The following NARF variants were observed in gnomAD, a reference collection of about 807,000 sequenced individuals.
NARF encodes the protein iron-only hydrogenase-like protein 2.
In NARF, 41 loss-of-function variants were observed where a neutral mutation model predicts 48.0. That is an observed-to-expected ratio of 0.85 (90% confidence interval 0.66 to 1.11). NARF has a LOEUF of 1.11. NARF is among the 50% of genes least tolerant of loss of function. The pLI, the probability that NARF is intolerant of heterozygous loss-of-function variation, is 0.00. For missense variants in NARF, 613 were observed against 590.2 expected, an observed-to-expected ratio of 1.04 and a Z score of -0.40; for synonymous variants, 215 against 225.5, an observed-to-expected ratio of 0.95 and a Z score of 0.42.
In NARF at chr17:82,488,362, G is replaced by A; in HGVS notation, c.*205G>A. The A allele has an allele frequency of 1.4e-6, 1 of 720,782 alleles. No individual in the cohort carries two copies. Among genetic ancestry groups the A allele is most frequent in the South Asian group, 2.6e-5 (1 of 38,572 alleles). The allele number at this position is 720,782 out of a possible 1,614,324, so 44.6% of individuals were successfully genotyped here. A position where few individuals can be genotyped will look rare whatever the true frequency, so the allele number is the denominator to read the frequency against. ...GGTGCTATCTTCATAATAGGTGTGG[G>A]ATTGGAACTTTTTTTTTCTTTTTTT... On this transcript the variant is annotated 3_prime_UTR_variant, in exon 11 of 11. Coordinates refer to ENST00000309794, the MANE Select transcript of NARF (RefSeq NM_012336.4).
At position 82,468,777 on chromosome 17, in the gene NARF, C is replaced by G. The variant is rs533647811; in HGVS notation, c.266C>G (p.Ser89Ter). ...VLNLNKKCDT[S>*]KHKVLVVSVC... ...TTCTCCTTCTAGAAATGTGATACCT[C>G]AAAGCACAAAGTGCTGGTAGTGTCT... The change falls in exon 4 of 11, where the codon TCA becomes TGA. Residue 89 changes from serine (S) to a stop codon, truncating the protein, a stop_gained. Coordinates refer to ENST00000309794, the MANE Select transcript of NARF (RefSeq NM_012336.4). LOFTEE classifies it high-confidence loss of function. 4 of 1,613,800 alleles carry G rather than the reference C, an allele frequency of 2.5e-6. No individual in the cohort carries two copies. Among genetic ancestry groups the G allele is most frequent in the Non-Finnish European group, 3.4e-6 (4 of 1,179,924 alleles).
At chr17:82,475,825 GC>G (rs1169981581) in intron 5 of NARF, among the ~76,000 whole-genome samples, 2 of 152,156 alleles carry the variant, frequency 1.3e-5, no homozygotes, top group African/African-American at 2.4e-5. Context: ...ATTCACATCA[GC>G]AGAGTTAGTT....
rs960512201 is a variant in NARF at position 82,459,188 on chromosome 17, C to T, written c.27+358C>T. 12 of 1,065,652 alleles carry T rather than the reference C, an allele frequency of 1.1e-5. No individual in the cohort carries two copies. The African/African-American group carries it at 1.2e-4, about 10-fold the overall frequency. The allele number at this position is 1,065,652 out of a possible 1,614,324, so 66.0% of individuals were successfully genotyped here. A position where few individuals can be genotyped will look rare whatever the true frequency, so the allele number is the denominator to read the frequency against. On this transcript the variant is annotated intron_variant, in intron 1 of 10. Coordinates refer to ENST00000309794, the MANE Select transcript of NARF (RefSeq NM_012336.4). ...GAGAGGGTTTTAGGCGTTTTCGAAC[C>T]TGCCCCTCTGAGGGTCACCGAGCAG...
intron 2 of NARF, chr17:82,460,915 A>ATTTTTTTTTTTTTTTTTTTTTTTTTT (rs137987200): frequency 6.7e-6 from 1 of 149,628 alleles, no homozygotes; most frequent in African/African-American, 2.5e-5. Flanking sequence ...TCTTCTTTTA[A>ATTTTTTTTTTTTTTTTTTTTTTTTTT]TTTTTTTTTT....
Position 82,481,396 on chromosome 17 carries a change from C to T in NARF, c.769+185C>T, listed in dbSNP as rs923144988. Among the ~76,000 whole-genome samples, 4 of 152,070 alleles carry T rather than the reference C, an allele frequency of 2.6e-5. No homozygotes were observed. The East Asian group carries it at 5.8e-4, about 22-fold the overall frequency. On this transcript the variant is annotated intron_variant, in intron 7 of 10. Transcript: ENST00000309794. The stretch of plus-strand genomic sequence containing the variant: ...TGCAGGTGAAGAGAAGGGTCATGTT[C>T]GATCTAGCCTCCTGTCTCCTCTGTG...
At chr17:82,472,395 G>A (rs1279292160) in intron 4 of NARF, among the ~76,000 whole-genome samples, 169 bp from the exon 5 acceptor site, 1 of 151,220 alleles carries the variant, frequency 6.6e-6, no homozygotes, top group Non-Finnish European at 1.5e-5. Flanking sequence ...GAGGTGGGAG[G>A]ATCACTTGAA....
chr17:82,470,028 T>G (rs931426141), intron 4 of NARF, among the ~76,000 whole-genome samples: 3 of 152,080 alleles, frequency 2.0e-5, no homozygotes, highest in Admixed American at 2.0e-4. Context: ...GGCCAGGAGC[T>G]CGAGACCAGC....
rs946553999 is a variant in NARF, at chr17:82,464,215, T to C, written c.109-72T>C. On this transcript the variant is annotated intron_variant, in intron 2 of 10. Coordinates refer to ENST00000309794, the MANE Select transcript of NARF (RefSeq NM_012336.4). ...GTTTACTGTGAATTCTGTATATGGGTGTTACCCTCTCTAAAGAAGCACATT... is the reference window on the plus strand; with the variant it reads ...GTTTACTGTGAATTCTGTATATGGGCGTTACCCTCTCTAAAGAAGCACATT... 2.6e-5 allele frequency: 41 copies of C among 1,548,240 alleles called. No homozygotes were observed. In the African/African-American group the frequency reaches 4.9e-4, roughly 19 times the overall value.
At chr17:82,463,207 G>A (rs2043478781) in intron 2 of NARF, 1 of 152,166 alleles carries the variant, frequency 6.6e-6, no homozygotes, top group Admixed American at 6.5e-5. Context: ...ACTACCTGAG[G>A]AGCTTCTGTA....
At chr17:82,473,443 C>T (rs1415471787) in intron 5 of NARF, among the ~76,000 whole-genome samples, 1 of 151,948 alleles carries the variant, frequency 6.6e-6, no homozygotes, top group East Asian at 1.9e-4. Context: ...CTCTGTCACC[C>T]AGACTGGAGT....
chr17:82,481,869 T>C (rs555611254), intron 7 of NARF: 2 of 350,728 alleles, frequency 5.7e-6, no homozygotes, highest in African/African-American at 4.5e-5. Flanking sequence ...GGTCTCCTAA[T>C]CACAAACCAA....
At chr17:82,479,147 G>A in intron 6 of NARF, 3 of 390,278 alleles carry the variant, frequency 7.7e-6, no homozygotes, top group Admixed American at 4.3e-5. Flanking sequence ...CTTTTCTGTG[G>A]CATCTGGTGG....
intron 1 of NARF, chr17:82,459,100 C>G (rs138623098): frequency 4.2e-6 from 5 of 1,188,014 alleles, no homozygotes; most frequent in Non-Finnish European, 4.2e-6. Flanking sequence ...GACCGAGCCT[C>G]TCGTGCCGCG....
chr17:82,478,339 G>T (rs909217894), intron 5 of NARF, among the ~76,000 whole-genome samples: 3 of 152,204 alleles, frequency 2.0e-5, no homozygotes, highest in Admixed American at 1.3e-4. Context: ...TTTAAAAAGC[G>T]TGCAGTTGTT....
At chr17:82,486,701 C>G (rs979361955) in intron 10 of NARF, among the ~76,000 whole-genome samples, 2 of 152,110 alleles carry the variant, frequency 1.3e-5, no homozygotes, top group Non-Finnish European at 2.9e-5. Flanking sequence ...GCGGGTGGAG[C>G]TGGGGCCTGA....
At chr17:82,466,791 C>G (rs1395891445) in intron 3 of NARF, among the ~76,000 whole-genome samples, 1 of 152,022 alleles carries the variant, frequency 6.6e-6, no homozygotes, top group Non-Finnish European at 1.5e-5. Context: ...CAAATTGTTC[C>G]AGCATCTTCT....
chr17:82,480,926 A>G (rs2043948075), intron 6 of NARF, 156 bp from the exon 7 acceptor site: 1 of 901,598 alleles, frequency 1.1e-6, no homozygotes, highest in Non-Finnish European at 1.6e-6. Context: ...GCAAGACTCC[A>G]TTTCAAAAAA....
intron 2 of NARF, chr17:82,463,874 C>T (rs185615812): frequency 4.0e-4 from 66 of 165,272 alleles, no homozygotes; most frequent in Admixed American, 6.5e-4. Flanking sequence ...CTCAGGGAGC[C>T]GTGGGATGGT....
At chr17:82,459,108 G>A (rs1475960441) in intron 1 of NARF, 4 of 1,183,474 alleles carry the variant, frequency 3.4e-6, no homozygotes, top group Non-Finnish European at 2.1e-6. Flanking sequence ...CTCTCGTGCC[G>A]CGCACCACAG....
Sources: allele counts gnomAD v4.1 joint callset (sites outside exome capture counted in the v4.1 genomes callset), GRCh38; gene constraint gnomAD v4.1.1; transcripts MANE v1.5; gene names NCBI Gene and HGNC (gene_info 2026-07-23, HGNC 2026-07-21).